Variants in TUB observed in about 807,000 individuals in gnomAD.
TUB encodes the protein tubby protein homolog.
In TUB, 33 loss-of-function variants were observed where a neutral mutation model predicts 59.7. That is an observed-to-expected ratio of 0.55 (90% CI 0.42 to 0.74). The LOEUF is 0.74. TUB is among the 30% of genes least tolerant of loss of function. The pLI is 0.00. For missense variants in TUB, 659 were observed against 672.0 expected (o/e 0.98, Z 0.21); for synonymous variants, 293 against 256.4 (o/e 1.14, Z -1.36).
intron 11 of TUB, among the ~76,000 whole-genome samples, chr11:8,101,225 C>T (rs80278220): frequency 2.0e-5 from 3 of 152,200 alleles, no homozygotes; most frequent in African/African-American, 4.8e-5. Flanking sequence ...GTCTCAGGCA[C>T]GGGAACACCC....
chr11:8,098,496 ATCT>A (rs1402985228), intron 8 of TUB, among the ~76,000 whole-genome samples: 1 of 152,118 alleles, frequency 6.6e-6, no homozygotes, highest in Admixed American at 6.5e-5. Flanking sequence ...CCCCAGATAA[ATCT>A]TCTGAAGAAT....
intron 1 of TUB, among the ~76,000 whole-genome samples, chr11:8,030,689 T>C (rs547747931): frequency 6.6e-6 from 1 of 152,260 alleles, no homozygotes; most frequent in African/African-American, 2.4e-5. Context: ...TGCCAGCAGA[T>C]GGGACCCTAG....
chr11:8,052,627 G>A (rs1340170177), intron 2 of TUB, among the ~76,000 whole-genome samples: 1 of 151,846 alleles, frequency 6.6e-6, no homozygotes. Context: ...CCACCACCAC[G>A]CCCTGCTAAT....
At position 8,102,367 on chromosome 11, in the gene TUB, T is replaced by C. The variant is rs2133926650; in HGVS notation, c.*748T>C. On this transcript the variant is annotated 3_prime_UTR_variant, in exon 12 of 12. Transcript: ENST00000299506. ...CAGGGCTGTCTTGGTGGATGGGCCC[T>C]GCAAGACACAGGCTCAGCATGCAGA... is the stretch of plus-strand genomic sequence containing the variant. 6.6e-6 allele frequency: 1 copy of C among 152,310 alleles called. No homozygotes were observed. Among genetic ancestry groups the C allele is most frequent in the Non-Finnish European group, 1.5e-5 (1 of 68,048 alleles). The allele number at this position is 152,310 out of a possible 1,614,324, so 9.4% of individuals were successfully genotyped here. A position where few individuals can be genotyped will look rare whatever the true frequency, so the allele number is the denominator to read the frequency against.
At chr11:8,052,397 T>C (rs907561286) in intron 2 of TUB, among the ~76,000 whole-genome samples, 1 of 152,102 alleles carries the variant, frequency 6.6e-6, no homozygotes, top group South Asian at 2.1e-4. Context: ...TTTTCATGTA[T>C]GTCGAAGGCA....
intron 5 of TUB, 118 bp from the exon 6 acceptor site, chr11:8,096,567 A>G: frequency 1.4e-6 from 1 of 736,714 alleles, no homozygotes; most frequent in Non-Finnish European, 2.5e-6. Flanking sequence ...GAGTGTGTGC[A>G]TAAGTTTGTG....
intron 2 of TUB, among the ~76,000 whole-genome samples, chr11:8,062,516 C>CGT (rs34497745): frequency 1.8e-4 from 27 of 150,012 alleles, no homozygotes; most frequent in African/African-American, 5.9e-4. Context: ...GGTTTGTGTG[C>CGT]GTGTGTGTGT....
intron 1 of TUB, among the ~76,000 whole-genome samples, chr11:8,082,739 T>G (rs1943593834): frequency 6.6e-6 from 1 of 152,196 alleles, no homozygotes; most frequent in Admixed American, 6.5e-5. Flanking sequence ...GGAAACCAGC[T>G]GAAACCGCCC....
rs1276840511 is a variant in TUB, at chr11:8,102,885, C to CCAAGAAACTGTCCCCTGTCCCACAGG, written c.*1267_*1268insAAGAAACTGTCCCCTGTCCCACAGGC. 1 of 140,938 alleles carries CCAAGAAACTGTCCCCTGTCCCACAGG rather than the reference C, an allele frequency of 7.1e-6. No individual in the cohort carries two copies. Among genetic ancestry groups the CCAAGAAACTGTCCCCTGTCCCACAGG allele is most frequent in the African/African-American group, 2.7e-5 (1 of 37,608 alleles). 8.7% of individuals were successfully genotyped at this position (140,938 alleles called of 1,614,324 possible). A position where few individuals can be genotyped will look rare whatever the true frequency, so the allele number is the denominator to read the frequency against. On this transcript the variant is annotated 3_prime_UTR_variant, in exon 12 of 12. Transcript: ENST00000299506. ...TCTTGATTTCTTTGTTCCCACTGTC[C>CCAAGAAACTGTCCCCTGTCCCACAGG]CCCAAGAAACTAGTATCTCTGGCCT... is the stretch of plus-strand genomic sequence containing the variant.
intron 1 of TUB, among the ~76,000 whole-genome samples, chr11:8,026,516 G>GA (rs1381109475): frequency 6.8e-6 from 1 of 147,784 alleles, no homozygotes; most frequent in African/African-American, 2.5e-5. Context: ...AGCATTCATT[G>GA]AAAAAAACCT....
chr11:8,101,518 G>C lies in TUB; in HGVS notation c.1420G>C (p.Ala474Pro), dbSNP rs1250037349. Residue 474 changes from alanine to proline, a missense_variant, in exon 12 of 12, where the codon GCA becomes CCA. Physicochemically the swap from Ala to Pro is conservative, Grantham distance 27. Around this residue, in one of 3 missense-constraint regions of TUB, gnomAD observed 226 missense variants for 210.8 expected, o/e 1.07. Coordinates refer to ENST00000299506, the MANE Select transcript of TUB (RefSeq NM_177972.3). ...CATCGTGATGCAGTTTGGCCGGGTA[G>C]CAGAGGATGTGTTCACCATGGATTA... ...DYIVMQFGRV[A>P]EDVFTMDYNY... The C allele has an allele frequency of 6.2e-7, 1 of 1,614,232 alleles. No individual in the cohort carries two copies. Among genetic ancestry groups the C allele is most frequent in the Non-Finnish European group, 8.5e-7 (1 of 1,180,042 alleles).
At position 8,105,948 on chromosome 11, in the gene TUB, T is replaced by C. The variant is rs1055233; in HGVS notation, c.*4329T>C. ...CTCTTGCTGGGAACACAGCCAGTTT[T>C]CACAATGCCTAGACTGTGTATGTCT... On this transcript the variant is annotated 3_prime_UTR_variant, in exon 12 of 12. Transcript: ENST00000299506. 0.53 allele frequency: 79,962 copies of C among 152,090 alleles called. 23,319 individuals carry two copies. The highest frequency in any genetic ancestry group is 0.66 in the Middle Eastern group (194 of 294). The allele number at this position is 152,090 out of a possible 1,614,324, so 9.4% of individuals were successfully genotyped here. A position where few individuals can be genotyped will look rare whatever the true frequency, so the allele number is the denominator to read the frequency against.
At chr11:8,049,561 G>C (rs910920885) in intron 2 of TUB, among the ~76,000 whole-genome samples, 1 of 124,260 alleles carries the variant, frequency 8.0e-6, no homozygotes, top group Non-Finnish European at 1.7e-5. Context: ...GTATTATGTG[G>C]TATATATATA....
chr11:8,027,732 C>G (rs2133704098), intron 1 of TUB, among the ~76,000 whole-genome samples: 1 of 152,314 alleles, frequency 6.6e-6, no homozygotes, highest in South Asian at 2.1e-4. Flanking sequence ...CCAGGCTGGT[C>G]TTGAACTCCT....
rs757759953 is a variant in TUB, at chr11:8,090,197, C to G, written c.219C>G (p.Ser73=). 87 of 1,613,676 alleles carry G rather than the reference C, an allele frequency of 5.4e-5. No homozygotes were observed. Among genetic ancestry groups the G allele is most frequent in the Non-Finnish European group, 2.5e-6 (3 of 1,179,980 alleles). The change falls in exon 3 of 12, where the codon TCC becomes TCG. Residue 73 remains serine, a synonymous_variant. Coordinates refer to ENST00000299506, the MANE Select transcript of TUB (RefSeq NM_177972.3). The part of the protein sequence containing the change: ...QSEEQAPLVE[S]YLSSSGSTSY... Reference sequence around the variant, plus strand: ...AGGAACAAGCCCCCCTGGTGGAGTCCTACCTCAGCAGCAGTGGCAGCACCA... The same window carrying G: ...AGGAACAAGCCCCCCTGGTGGAGTCGTACCTCAGCAGCAGTGGCAGCACCA...
At chr11:8,026,201 C>T (rs1334975748) in intron 1 of TUB, among the ~76,000 whole-genome samples, 1 of 152,134 alleles carries the variant, frequency 6.6e-6, no homozygotes, top group Non-Finnish European at 1.5e-5. Context: ...GCTGTGGATG[C>T]ATCTCCTTTA....
chr11:8,101,088 C>A, intron 11 of TUB, 91 bp downstream of exon 11: 2 of 1,462,040 alleles, frequency 1.4e-6, no homozygotes, highest in Non-Finnish European at 1.9e-6. Flanking sequence ...CCTACACTGG[C>A]TAGAGTTTAA....
chr11:8,089,489 T>C, intron 1 of TUB, 121 bp from the exon 2 acceptor site: 1 of 1,203,262 alleles, frequency 8.3e-7, no homozygotes, highest in Non-Finnish European at 1.2e-6. Context: ...GTGGGCTCAC[T>C]GAGTCCCAGC....
At chr11:8,058,704 C>T (rs1326265352) in intron 2 of TUB, among the ~76,000 whole-genome samples, 1 of 152,056 alleles carries the variant, frequency 6.6e-6, no homozygotes, top group Non-Finnish European at 1.5e-5. Context: ...TGTTGTTTCA[C>T]TTTCAACTTA....
Sources: gnomAD v4.1 joint callset for allele counts (sites outside exome capture counted in the v4.1 genomes callset) on GRCh38, gnomAD v4.1.1 for gene constraint, gnomAD v4.1.1 regional missense constraint, MANE v1.5 for transcripts, NCBI Gene and HGNC (gene_info 2026-07-23, HGNC 2026-07-21) for gene names.